The following ARHGAP23 variants were observed in gnomAD, a reference collection of about 807,000 sequenced individuals.
The protein encoded by ARHGAP23 is rho GTPase-activating protein 23.
ARHGAP23 carries 34 observed loss-of-function variants against 136.3 expected under a neutral mutation model. The observed-to-expected ratio is 0.25, with a 90% CI of 0.19 to 0.33. The LOEUF is 0.33. ARHGAP23 is among the 10% of genes least tolerant of loss of function. The probability of loss-of-function intolerance (pLI) is 1.00; values close to 1 mark genes in which losing one functional copy is unlikely to be tolerated. For synonymous variants in ARHGAP23, 832 were observed against 920.5 expected, an observed-to-expected ratio of 0.90 and a Z score of 1.74; for missense variants, 1,808 against 2,139.0, an observed-to-expected ratio of 0.85 and a Z score of 3.05.
At chr17:38,498,631 G>A (rs907491573) in intron 22 of ARHGAP23, 121 bp downstream of exon 22, 33 of 839,626 alleles carry the variant, frequency 3.9e-5, no homozygotes, top group Admixed American at 1.2e-4. Flanking sequence ...CTCCCCTGCC[G>A]GCCACCATGG....
intron 23 of ARHGAP23, among the ~76,000 whole-genome samples, chr17:38,501,601 A>G (rs923379921): frequency 6.6e-6 from 1 of 152,080 alleles, no homozygotes; most frequent in Non-Finnish European, 1.5e-5. Context: ...GCGCCTGGCT[A>G]TAGACCCCTA....
intron 22 of ARHGAP23, among the ~76,000 whole-genome samples, chr17:38,499,809 C>A (rs2040481899): frequency 1.3e-5 from 2 of 152,172 alleles, no homozygotes; most frequent in South Asian, 4.1e-4. Flanking sequence ...CCCTGTGGGA[C>A]CCCAGGAGGC....
chr17:38,468,448 G>A (rs569026210), intron 7 of ARHGAP23, among the ~76,000 whole-genome samples: 4 of 152,330 alleles, frequency 2.6e-5, no homozygotes, highest in Admixed American at 2.6e-4. Flanking sequence ...GATAGACGGG[G>A]CTGGGGAGAA....
At chr17:38,442,855 C>T (rs2038949050) in intron 1 of ARHGAP23, among the ~76,000 whole-genome samples, 1 of 152,136 alleles carries the variant, frequency 6.6e-6, no homozygotes, top group African/African-American at 2.4e-5. Context: ...TCAATCTGGA[C>T]TGTCAGATGC....
At position 38,443,295 on chromosome 17, in the gene ARHGAP23, C is replaced by T. The variant is rs1037445352; in HGVS notation, c.63+14747C>T. Among the ~76,000 whole-genome samples the T allele has an allele frequency of 9.2e-5, 14 of 152,212 alleles. 1 individual carries two copies. The highest frequency in any genetic ancestry group is 7.9e-4 in the Admixed American group (12 of 15,284). On this transcript the variant is annotated intron_variant, in intron 1 of 23. Transcript: ENST00000622683. The stretch of plus-strand genomic sequence containing the variant: ...AGTTGCAGGTGGTGGGTGCTGGGTG[C>T]TACCTTCATTTCCAGAGGTTGGTTA...
rs1430389522 is a variant in ARHGAP23 at position 38,486,078 on chromosome 17, A to G, written c.2924A>G (p.Asn975Ser). Residue 975 changes from asparagine to serine, a missense_variant, in exon 17 of 24, where the codon AAT becomes AGT. Physicochemically the swap from Asn to Ser is conservative, Grantham distance 46. This residue lies in a region of ARHGAP23 where 105 missense variants were observed against 200.6 expected (regional missense o/e 0.52). Coordinates refer to ENST00000622683, the MANE Select transcript of ARHGAP23 (RefSeq NM_001199417.2). ...CTCCCCCAGCGCTGGCAAGACCTCA[A>G]TGTGATCAGCAGCCTGCTCAAGTCC... ...NLQDERWQDL[N>S]VISSLLKSFF... 1.9e-5 allele frequency: 30 copies of G among 1,551,288 alleles called. No homozygotes were observed. In the East Asian group the frequency reaches 2.9e-4, roughly 15 times the overall value.
At chr17:38,480,683 A>G (rs1477304666) in intron 14 of ARHGAP23, among the ~76,000 whole-genome samples, 2 of 151,260 alleles carry the variant, frequency 1.3e-5, no homozygotes, top group Non-Finnish European at 1.5e-5. Flanking sequence ...GTGCGCCTGT[A>G]ATCCCAACTA....
At chr17:38,484,344 G>T (rs1478881097) in intron 16 of ARHGAP23, among the ~76,000 whole-genome samples, 2 of 152,100 alleles carry the variant, frequency 1.3e-5, no homozygotes, top group African/African-American at 4.8e-5. Context: ...CGGAAGGGAG[G>T]GGCCGTCTCA....
chr17:38,428,552 A>G lies in ARHGAP23; in HGVS notation c.63+4A>G. 6.9e-7 allele frequency: 1 copy of G among 1,442,706 alleles called. No homozygotes were observed. Among genetic ancestry groups the G allele is most frequent in the Non-Finnish European group, 9.1e-7 (1 of 1,099,554 alleles). The allele number at this position is 1,442,706 out of a possible 1,614,324, so 89.4% of individuals were successfully genotyped here. A position where few individuals can be genotyped will look rare whatever the true frequency, so the allele number is the denominator to read the frequency against. ...CCCGGAGCCCCGGCCCCCACAGGTG[A>G]GGGTGCTGGGCCAGGGAAGTGGGCG... On this transcript the variant is annotated splice_donor_region_variant and intron_variant, in intron 1 of 23. Coordinates refer to ENST00000622683, the MANE Select transcript of ARHGAP23 (RefSeq NM_001199417.2).
chr17:38,462,184 C>T (rs1397953174), intron 3 of ARHGAP23, among the ~76,000 whole-genome samples: 1 of 150,496 alleles, frequency 6.6e-6, no homozygotes. Flanking sequence ...GAACTCCTGA[C>T]CTCATGATCT....
At chr17:38,483,696 T>C (rs12602302) in intron 16 of ARHGAP23, among the ~76,000 whole-genome samples, 61,308 of 152,138 alleles carry the variant, frequency 0.4, 13,298 homozygotes, top group Admixed American at 0.57. Context: ...GTGTGTGAAA[T>C]TGTGGACAAG....
At chr17:38,441,791 A>G (rs1378691129) in intron 1 of ARHGAP23, among the ~76,000 whole-genome samples, 1 of 152,072 alleles carries the variant, frequency 6.6e-6, no homozygotes, top group Non-Finnish European at 1.5e-5. Flanking sequence ...GTCCAGGGAG[A>G]GGGGAACTTG....
chr17:38,490,029 G>T, intron 17 of ARHGAP23, 73 bp from the exon 18 acceptor site: 5 of 1,451,100 alleles, frequency 3.4e-6, no homozygotes, highest in Non-Finnish European at 4.7e-6. Flanking sequence ...AGCCCTCCCA[G>T]CAGGGCCCTT....
At chr17:38,446,315 C>T (rs980613172) in intron 1 of ARHGAP23, among the ~76,000 whole-genome samples, 1 of 151,598 alleles carries the variant, frequency 6.6e-6, no homozygotes, top group African/African-American at 2.4e-5. Flanking sequence ...GTAAGCCACC[C>T]CGCCTGGCCT....
chr17:38,421,320 C>G (rs1415281952), intron 1 of ARHGAP23, among the ~76,000 whole-genome samples: 1 of 152,206 alleles, frequency 6.6e-6, no homozygotes, highest in Non-Finnish European at 1.5e-5. Context: ...CTCTGCCAAG[C>G]ACAGCAGCTC....
rs377450650 is a variant in ARHGAP23, at chr17:38,439,396, G to T, written c.63+10848G>T. 3.3e-5 allele frequency among the ~76,000 whole-genome samples: 5 copies of T among 152,278 alleles called. No homozygotes were observed. The East Asian group carries it at 7.7e-4, about 24-fold the overall frequency. ...CTCTGTGCGCTAGACCTTGTGCCCC[G>T]TGAGGGTAGGGACTTTGTCTTGTTC... On this transcript the variant is annotated intron_variant, in intron 1 of 23. Coordinates refer to ENST00000622683, the MANE Select transcript of ARHGAP23 (RefSeq NM_001199417.2).
rs747173218 is a variant in ARHGAP23, at chr17:38,477,722, G to A, written c.2262G>A (p.Ala754=). 1.6e-5 allele frequency: 24 copies of A among 1,545,210 alleles called. No homozygotes were observed. The South Asian group carries it at 1.7e-4, about 11-fold the overall frequency. The change falls in exon 12 of 24, where the codon GCG becomes GCA. Residue 754 remains alanine, a synonymous_variant. Transcript: ENST00000622683. The surrounding 1 kb of genome is among the most constrained non-coding windows in gnomAD (Gnocchi z 6.6). ...CCGGCGCAGGTGAGGACGAGGCGGCGCCCGTCTGCATCGGCTCCTGCCTCG... is the reference window on the plus strand; with the variant it reads ...CCGGCGCAGGTGAGGACGAGGCGGCACCCGTCTGCATCGGCTCCTGCCTCG... The part of the protein sequence containing the change: ...AAAGAGEDEA[A]PVCIGSCLVD...
chr17:38,495,216 A>ATTTTTC (rs1271744426), intron 20 of ARHGAP23, among the ~76,000 whole-genome samples: 175 of 140,382 alleles, frequency 1.2e-3, no homozygotes, highest in Middle Eastern at 3.7e-3. Context: ...CAGAGCTTCC[A>ATTTTTC]TTTTTCTTTT....
intron 6 of ARHGAP23, among the ~76,000 whole-genome samples, chr17:38,465,745 C>T (rs529094905): frequency 2.0e-5 from 3 of 151,888 alleles, no homozygotes; most frequent in South Asian, 2.1e-4. Context: ...CACCCCTAGC[C>T]GGCTTTCTTC....
Sources: gnomAD v4.1 joint callset for allele counts (sites outside exome capture counted in the v4.1 genomes callset) on GRCh38, gnomAD v4.1.1 for gene constraint, gnomAD v4.1.1 regional missense constraint, Gnocchi (gnomAD v3.1) non-coding constraint, MANE v1.5 for transcripts, NCBI Gene and HGNC (gene_info 2026-07-23, HGNC 2026-07-21) for gene names.